Variants in ATP2A1 observed in about 807,000 individuals in gnomAD.
The protein encoded by ATP2A1 is ATPase sarcoplasmic/endoplasmic reticulum Ca2+ transporting 1, also known as sarcoplasmic/endoplasmic reticulum calcium ATPase 1.
A neutral mutation model predicts 109.5 loss-of-function variants in ATP2A1; 83 were observed. The observed-to-expected ratio is 0.76, with a 90% confidence interval of 0.63 to 0.91. The LOEUF (loss-of-function observed/expected upper bound fraction) is 0.91, where lower values mean the gene tolerates loss of function less well. Among genes scored for constraint, ATP2A1 ranks in the 40% least tolerant of loss-of-function variants. ATP2A1 has a pLI of 0.00. For missense variants in ATP2A1, 1,101 were observed against 1,341.0 expected, an observed-to-expected ratio of 0.82 and a Z score of 2.80; for synonymous variants, 505 against 537.6, an observed-to-expected ratio of 0.94 and a Z score of 0.84.
At position 28,880,851 on chromosome 16, in the gene ATP2A1, A is replaced by C; in HGVS notation, c.220-64A>C. The C allele has an allele frequency of 6.8e-7, 1 of 1,464,198 alleles. No individual in the cohort carries two copies. The highest frequency in any genetic ancestry group is 2.3e-5 in the East Asian group (1 of 44,134). 90.7% of individuals were successfully genotyped at this position (1,464,198 alleles called of 1,614,324 possible). On this transcript the variant is annotated intron_variant, in intron 3 of 22. Transcript: ENST00000395503. The surrounding 1 kb of genome is among the most constrained non-coding windows in gnomAD (Gnocchi z 4.2). Reference sequence around the variant, plus strand: ...ACAGTTCTCCCCTTTGCAGTGGTCCACTTCCTTTCTCCATCTGTTTTGGGG... The same window carrying C: ...ACAGTTCTCCCCTTTGCAGTGGTCCCCTTCCTTTCTCCATCTGTTTTGGGG...
intron 4 of ATP2A1, among the ~76,000 whole-genome samples, chr16:28,881,777 G>A (rs1596663282): frequency 1.3e-5 from 2 of 150,866 alleles, no homozygotes; most frequent in African/African-American, 4.9e-5. Context: ...ACTCCAGCAT[G>A]GGCAACAGAG....
intron 4 of ATP2A1, among the ~76,000 whole-genome samples, chr16:28,882,100 CTTTTTTTTTT>C (rs778416146): frequency 1.4e-4 from 13 of 90,372 alleles, no homozygotes; most frequent in African/African-American, 6.8e-4. Context: ...CTACGCCCGG[CTTTTTTTTTT>C]TTTTTTTTTT....
chr16:28,888,080 C>T (rs534324599), intron 8 of ATP2A1, among the ~76,000 whole-genome samples: 223 of 150,882 alleles, frequency 1.5e-3, no homozygotes, highest in Admixed American at 2.5e-3. Flanking sequence ...GGATTACAGG[C>T]GTGAGCCACC....
At chr16:28,884,720 G>A (rs1026829825) in intron 6 of ATP2A1, 65 bp downstream of exon 6, 5 of 1,443,744 alleles carry the variant, frequency 3.5e-6, no homozygotes, top group Non-Finnish European at 4.8e-6. Context: ...CAACAAGGGG[G>A]AGGTGAGTGG....
In ATP2A1 at chr16:28,883,803, C is replaced by G. The variant is rs1424612600; in HGVS notation, c.464-772C>G. Among the ~76,000 whole-genome samples the G allele has an allele frequency of 6.6e-6, 1 of 152,160 alleles. No homozygotes were observed. Among genetic ancestry groups the G allele is most frequent in the Non-Finnish European group, 1.5e-5 (1 of 68,014 alleles). ...CCCAACCCCCGCTTCTCTCCTGTCC[C>G]ATCCCATCCTGTCTTGTCCATGTCC... On this transcript the variant is annotated intron_variant, in intron 5 of 22. Coordinates refer to ENST00000395503, the MANE Select transcript of ATP2A1 (RefSeq NM_004320.6). This position sits in a 1 kb window ranked among gnomAD's most constrained non-coding sequence, Gnocchi z 5.2.
At chr16:28,879,666 C>T (rs1963396973) in intron 3 of ATP2A1, 83 bp downstream of exon 3, 4 of 1,453,528 alleles carry the variant, frequency 2.8e-6, no homozygotes, top group South Asian at 2.4e-5. Context: ...TCACTGGATC[C>T]TCCCGTCCGA....
chr16:28,890,679 TTTTG>T (rs570675209), intron 9 of ATP2A1, among the ~76,000 whole-genome samples: 112 of 151,964 alleles, frequency 7.4e-4, no homozygotes, highest in South Asian at 1.2e-3. Flanking sequence ...TTCTGGGTTT[TTTTG>T]TTTGTTTTTT....
Position 28,903,157 on chromosome 16 carries a change from C to T in ATP2A1, c.2862+10C>T. On this transcript the variant is annotated intron_variant, in intron 20 of 22. Coordinates refer to ENST00000395503, the MANE Select transcript of ATP2A1 (RefSeq NM_004320.6). The surrounding 1 kb of genome is among the most constrained non-coding windows in gnomAD (Gnocchi z 5.6). ...TGTTGACCCCCTGCCGGTGAGGTTT[C>T]TTCCGCCCAGGGCCGCCCACCCCAG... The T allele has an allele frequency of 1.2e-6, 2 of 1,613,134 alleles. No individual in the cohort carries two copies. The highest frequency in any genetic ancestry group is 8.5e-7 in the Non-Finnish European group (1 of 1,179,650).
chr16:28,902,343 C>T lies in ATP2A1; in HGVS notation c.2481C>T (p.Pro827=). 2 of 1,614,074 alleles carry T rather than the reference C, an allele frequency of 1.2e-6. No homozygotes were observed. The highest frequency in any genetic ancestry group is 1.7e-6 in the Non-Finnish European group (2 of 1,180,004). Reference sequence around the variant, plus strand: ...GCCCCCCCCGGAGCCCCAAGGAGCCCCTCATCAGTGGCTGGCTCTTCTTCC... The same window carrying T: ...GCCCCCCCCGGAGCCCCAAGGAGCCTCTCATCAGTGGCTGGCTCTTCTTCC... ...MDRPPRSPKE[P]LISGWLFFRY... is the part of the protein sequence containing the mutation. Residue 827 remains proline, a synonymous_variant, in exon 17 of 23, where the codon CCC becomes CCT. Coordinates refer to ENST00000395503, the MANE Select transcript of ATP2A1 (RefSeq NM_004320.6). This position sits in a 1 kb window ranked among gnomAD's most constrained non-coding sequence, Gnocchi z 4.8.
Position 28,902,602 on chromosome 16 carries a change from G to A in ATP2A1, c.2547G>A (p.Val849=). The change falls in exon 18 of 23, where the codon GTG becomes GTA. Residue 849 remains valine, a synonymous_variant. Coordinates refer to ENST00000395503, the MANE Select transcript of ATP2A1 (RefSeq NM_004320.6). This position sits in a 1 kb window ranked among gnomAD's most constrained non-coding sequence, Gnocchi z 4.8. ...CAGGCTATGTGGGTGCAGCCACCGT[G>A]GGAGCAGCTGCCTGGTGGTTCCTGT... ...AIGGYVGAAT[V]GAAAWWFLYA... is the part of the protein sequence containing the mutation. 2.5e-6 allele frequency: 4 copies of A among 1,614,092 alleles called. No individual in the cohort carries two copies. The highest frequency in any genetic ancestry group is 3.4e-6 in the Non-Finnish European group (4 of 1,179,988).
In ATP2A1 at chr16:28,895,330, T is replaced by C. The variant is rs1200869653; in HGVS notation, c.1419+377T>C. Among the ~76,000 whole-genome samples the C allele has an allele frequency of 2.0e-5, 3 of 152,214 alleles. No individual in the cohort carries two copies. In the East Asian group the frequency reaches 5.8e-4, roughly 29 times the overall value. The stretch of plus-strand genomic sequence containing the variant: ...GTCCTGACTTAGGATTTGGGAAATG[T>C]GGCTACTGCACCTATAGGGAAAGCC... On this transcript the variant is annotated intron_variant, in intron 12 of 22. Transcript: ENST00000395503.
In ATP2A1 at chr16:28,902,153, G is replaced by C. The variant is rs1420533946; in HGVS notation, c.2322-31G>C. The stretch of plus-strand genomic sequence containing the variant: ...GGGGTGGCTGCAGGTCTGGGAGGCA[G>C]GACAGAGGTGTGACCACCTCCTTCC... On this transcript the variant is annotated intron_variant, in intron 16 of 22. Transcript: ENST00000395503. The surrounding 1 kb of genome is among the most constrained non-coding windows in gnomAD (Gnocchi z 4.8). The C allele has an allele frequency of 6.2e-7, 1 of 1,613,870 alleles. No homozygotes were observed. Among genetic ancestry groups the C allele is most frequent in the Non-Finnish European group, 8.5e-7 (1 of 1,179,826 alleles).
At position 28,903,848 on chromosome 16, in the gene ATP2A1, C is replaced by T; in HGVS notation, c.*37+107C>T. 9.0e-7 allele frequency: 1 copy of T among 1,114,270 alleles called. No individual in the cohort carries two copies. Among genetic ancestry groups the T allele is most frequent in the East Asian group, 2.3e-5 (1 of 42,670 alleles). 69.0% of individuals were successfully genotyped at this position (1,114,270 alleles called of 1,614,324 possible). On this transcript the variant is annotated intron_variant, in intron 22 of 22. Transcript: ENST00000395503. This position sits in a 1 kb window ranked among gnomAD's most constrained non-coding sequence, Gnocchi z 5.6. ...AGGTCACTTGTGCTCGCAGCTCCAC[C>T]TGGAGCCGTTGCCACTGCTGCTGCT...
In ATP2A1 at chr16:28,901,632, CA is replaced by C. The variant is rs59667004; in HGVS notation, c.2101-221del. On this transcript the variant is annotated intron_variant, in intron 15 of 22. Coordinates refer to ENST00000395503, the MANE Select transcript of ATP2A1 (RefSeq NM_004320.6). ...TGGGCGACAGAGTGAGACTCCGTCT[CA>C]AAAAAAAAAGTGTGCCGATCTTTGT... is the stretch of plus-strand genomic sequence containing the variant. Among the ~76,000 whole-genome samples, 2,975 of 147,082 alleles carry C rather than the reference CA, an allele frequency of 0.02. 99 individuals are homozygous for C. The highest frequency in any genetic ancestry group is 0.069 in the African/African-American group (2,774 of 40,168).
intron 12 of ATP2A1, among the ~76,000 whole-genome samples, chr16:28,896,240 G>A (rs1963913300): frequency 6.6e-6 from 1 of 152,098 alleles, no homozygotes; most frequent in Non-Finnish European, 1.5e-5. Context: ...TTGTTTGTCT[G>A]TCTGTTTTGA....
At chr16:28,884,736 C>G in intron 6 of ATP2A1, 81 bp downstream of exon 6, 1 of 1,337,678 alleles carries the variant, frequency 7.5e-7, no homozygotes, top group Middle Eastern at 1.8e-4. Flanking sequence ...AGTGGAAAGA[C>G]AGAGAACCCT....
intron 1 of ATP2A1, 55 bp from the exon 2 acceptor site, chr16:28,879,044 G>C: frequency 3.1e-6 from 5 of 1,611,968 alleles, no homozygotes; most frequent in Non-Finnish European, 4.2e-6. Flanking sequence ...TGGGTGTGGG[G>C]GGCATGAGGC....
At position 28,904,328 on chromosome 16, in the gene ATP2A1, C is replaced by T; in HGVS notation, c.*186C>T. The T allele has an allele frequency of 5.1e-6, 8 of 1,575,804 alleles. No individual in the cohort carries two copies. The highest frequency in any genetic ancestry group is 2.3e-5 in the South Asian group (2 of 87,870). On this transcript the variant is annotated 3_prime_UTR_variant, in exon 23 of 23. Transcript: ENST00000395503. Reference sequence around the variant, plus strand: ...TGTCTGTTTATAAACATGTCCCCTTCCCTTTCCTTCCCCCTCGGCCACCCG... The same window carrying T: ...TGTCTGTTTATAAACATGTCCCCTTTCCTTTCCTTCCCCCTCGGCCACCCG...
At chr16:28,892,449 C>T in intron 9 of ATP2A1, 1 of 236,630 alleles carries the variant, frequency 4.2e-6, no homozygotes, top group Non-Finnish European at 9.0e-6. Context: ...AGGCTGTAAC[C>T]TTGGCTCCTG....
Sources: allele counts gnomAD v4.1 joint callset (sites outside exome capture counted in the v4.1 genomes callset), GRCh38; gene constraint gnomAD v4.1.1; non-coding constraint Gnocchi (gnomAD v3.1); transcripts MANE v1.5; gene names NCBI Gene and HGNC (gene_info 2026-07-23, HGNC 2026-07-21).